CNTNAP5: variants seen among roughly 807,000 people sequenced by gnomAD.
CNTNAP5 encodes contactin associated protein family member 5, also known as contactin-associated protein-like 5.
Under a neutral mutation model 150.2 loss-of-function variants are expected in CNTNAP5, and 72 were observed. That is an observed-to-expected ratio of 0.48 (90% CI 0.40 to 0.58). The LOEUF (loss-of-function observed/expected upper bound fraction) is 0.58. Among genes scored for constraint, CNTNAP5 ranks in the 20% least tolerant of loss-of-function variants. CNTNAP5 has a pLI of 0.00. For synonymous variants in CNTNAP5, 672 were observed against 619.8 expected (o/e 1.08, Z -1.25); for missense variants, 1,636 against 1,626.2 (o/e 1.01, Z -0.10).
chr2:124,310,843 G>A (rs755032749), intron 3 of CNTNAP5, among the ~76,000 whole-genome samples: 36 of 152,176 alleles, frequency 2.4e-4, no homozygotes, highest in Non-Finnish European at 5.3e-4. Context: ...CTGGCAGGTG[G>A]CAGAGGGAGA....
chr2:124,317,758 C>T (rs771802080), intron 3 of CNTNAP5, among the ~76,000 whole-genome samples: 72 of 152,182 alleles, frequency 4.7e-4, no homozygotes, highest in Non-Finnish European at 7.2e-4. Context: ...ATTTAAAATA[C>T]ACATACACAT....
chr2:124,031,934 G>A (rs1681063199), intron 1 of CNTNAP5, among the ~76,000 whole-genome samples: 1 of 152,042 alleles, frequency 6.6e-6, no homozygotes, highest in Admixed American at 6.5e-5. Context: ...GTGGTCAAGA[G>A]CAGATTTAAA....
At chr2:124,541,774 C>T (rs192720644) in intron 10 of CNTNAP5, among the ~76,000 whole-genome samples, 2 of 152,256 alleles carry the variant, frequency 1.3e-5, no homozygotes, top group East Asian at 3.9e-4. Flanking sequence ...CAAATCCTCA[C>T]AACTCTAAGA....
At chr2:124,453,448 G>A (rs1335410105) in intron 6 of CNTNAP5, among the ~76,000 whole-genome samples, 1 of 152,162 alleles carries the variant, frequency 6.6e-6, no homozygotes, top group Non-Finnish European at 1.5e-5. Context: ...TAAATGTTTG[G>A]AAAATATATT....
chr2:124,558,821 T>C (rs1482100060), intron 10 of CNTNAP5, among the ~76,000 whole-genome samples: 1 of 152,110 alleles, frequency 6.6e-6, no homozygotes, highest in Non-Finnish European at 1.5e-5. Flanking sequence ...CTTTTGTTCT[T>C]CTTAAGGCTG....
At chr2:124,636,191 T>G (rs1024596409) in intron 12 of CNTNAP5, among the ~76,000 whole-genome samples, 4 of 152,224 alleles carry the variant, frequency 2.6e-5, no homozygotes, top group African/African-American at 9.6e-5. Flanking sequence ...TGGCAAATTA[T>G]TTGACTTAGT....
At chr2:124,487,990 A>T (rs1693929762) in intron 7 of CNTNAP5, among the ~76,000 whole-genome samples, 1 of 152,176 alleles carries the variant, frequency 6.6e-6, no homozygotes, top group Non-Finnish European at 1.5e-5. Context: ...CTGGAAAAGT[A>T]CAAGAATCAC....
chr2:124,072,762 T>TTTTG (rs1682337305), intron 1 of CNTNAP5, among the ~76,000 whole-genome samples: 1 of 152,024 alleles, frequency 6.6e-6, no homozygotes, highest in Non-Finnish European at 1.5e-5. Flanking sequence ...TGAATCAATA[T>TTTTG]TATTAAAATG....
At chr2:124,891,881 C>A (rs1015163364) in intron 21 of CNTNAP5, among the ~76,000 whole-genome samples, 1 of 152,092 alleles carries the variant, frequency 6.6e-6, no homozygotes, top group East Asian at 1.9e-4. Context: ...TGTCCTGGAC[C>A]ATGTACCAAA....
intron 12 of CNTNAP5, among the ~76,000 whole-genome samples, chr2:124,613,154 A>C (rs1252151620): frequency 6.6e-6 from 1 of 152,260 alleles, no homozygotes; most frequent in African/African-American, 2.4e-5. Context: ...TCTGATACAT[A>C]CATGTAATGA....
At chr2:124,701,363 G>C (rs1484692453) in intron 13 of CNTNAP5, among the ~76,000 whole-genome samples, 1 of 152,066 alleles carries the variant, frequency 6.6e-6, no homozygotes, top group Non-Finnish European at 1.5e-5. Flanking sequence ...ATCTCACTCA[G>C]TTTTAGGGCT....
chr2:124,705,676 A>G lies in CNTNAP5; in HGVS notation c.2078-41553A>G, dbSNP rs545572327. ...GAAGAACATAATACAATTCCATAAA[A>G]CAAATGATTTTTTAATAGCAAAGAG... On this transcript the variant is annotated intron_variant, in intron 13 of 23. Transcript: ENST00000682447. Among the ~76,000 whole-genome samples, 8 of 152,302 alleles carry G rather than the reference A, an allele frequency of 5.3e-5. No individual in the cohort carries two copies. In the South Asian group the frequency reaches 1.7e-3, roughly 32 times the overall value.
In CNTNAP5 at chr2:124,087,100, A is replaced by T. The variant is rs896445018; in HGVS notation, c.82+61368A>T. ...ACCTTACTTCTTTTTGTGCCCCTTT[A>T]TCCTTCGCCTTTGGTCATATAATTG... On this transcript the variant is annotated intron_variant, in intron 1 of 23. Coordinates refer to ENST00000682447, the MANE Select transcript of CNTNAP5 (RefSeq NM_001367498.1). Among the ~76,000 whole-genome samples the T allele has an allele frequency of 4.6e-5, 7 of 151,762 alleles. No homozygotes were observed. In the South Asian group the frequency reaches 1.4e-3, roughly 31 times the overall value.
chr2:124,059,201 G>C (rs545413880), intron 1 of CNTNAP5, among the ~76,000 whole-genome samples: 1 of 152,070 alleles, frequency 6.6e-6, no homozygotes, highest in Non-Finnish European at 1.5e-5. Flanking sequence ...GGTAGTAAAA[G>C]TTATCCTTAA....
chr2:124,661,811 T>C (rs1417447721), intron 13 of CNTNAP5, among the ~76,000 whole-genome samples: 1 of 152,098 alleles, frequency 6.6e-6, no homozygotes, highest in African/African-American at 2.4e-5. Context: ...GCAATACAAA[T>C]TTTTTAGCTC....
intron 12 of CNTNAP5, among the ~76,000 whole-genome samples, chr2:124,627,522 C>CAA (rs3039905): frequency 1.1e-4 from 15 of 132,054 alleles, no homozygotes; most frequent in African/African-American, 3.6e-4. Flanking sequence ...ACAACAACAT[C>CAA]AAAAAAAAAA....
chr2:124,601,694 A>G (rs920652933), intron 11 of CNTNAP5, among the ~76,000 whole-genome samples: 1 of 151,906 alleles, frequency 6.6e-6, no homozygotes, highest in African/African-American at 2.4e-5. Context: ...ATTCAAAGGA[A>G]AAAAACCAAT....
Position 124,510,285 on chromosome 2 carries a change from C to CTATATATATATATA in CNTNAP5, c.1327+5736_1327+5737insATATATATATATAT, listed in dbSNP as rs1439563096. 2.3e-4 allele frequency among the ~76,000 whole-genome samples: 17 copies of CTATATATATATATA among 73,286 alleles called. No homozygotes were observed. The East Asian group carries it at 5.5e-3, about 24-fold the overall frequency. 48.1% of individuals were successfully genotyped at this position (73,286 alleles called of 152,430 possible). A position where few individuals can be genotyped will look rare whatever the true frequency, so the allele number is the denominator to read the frequency against. ...TATATCTATATATCTATATCTATAT[C>CTATATATATATATA]TATATATCTATATATCTATATATAT... On this transcript the variant is annotated intron_variant, in intron 8 of 23. Transcript: ENST00000682447.
rs200130697 is a variant in CNTNAP5 at position 124,789,907 on chromosome 2, A to G, written c.2758A>G (p.Thr920Ala). 71 of 1,613,212 alleles carry G rather than the reference A, an allele frequency of 4.4e-5. No individual in the cohort carries two copies. Among genetic ancestry groups the G allele is most frequent in the Middle Eastern group, 3.3e-4 (2 of 6,056 alleles). ...CCTTTTATTTAACCTCTTAGGGGGAACGTCATCCAGACAGAAAGGCTTCCT... is the reference window on the plus strand; with the variant it reads ...CCTTTTATTTAACCTCTTAGGGGGAGCGTCATCCAGACAGAAAGGCTTCCT... ...QLNSQLFVGG[T>A]SSRQKGFLGC... Residue 920 changes from threonine (T) to alanine (A), a missense_variant, in exon 18 of 24, where the codon ACG becomes GCG. Physicochemically the swap from Thr to Ala is moderately conservative, Grantham distance 58. Transcript: ENST00000682447.
Sources: allele counts gnomAD v4.1 joint callset (sites outside exome capture counted in the v4.1 genomes callset), GRCh38; gene constraint gnomAD v4.1.1; transcripts MANE v1.5; gene names NCBI Gene and HGNC (gene_info 2026-07-23, HGNC 2026-07-21).